Variants in TMTC1 observed in about 807,000 individuals in gnomAD.
TMTC1 encodes protein O-mannosyl-transferase TMTC1.
A neutral mutation model predicts 104.8 loss-of-function variants in TMTC1; 73 were observed. That is an observed-to-expected ratio of 0.70 (90% CI 0.58 to 0.85). The LOEUF (loss-of-function observed/expected upper bound fraction) is 0.85. Ranked by LOEUF, TMTC1 falls within the 40% of genes least tolerant of loss-of-function variation. The pLI is 0.00. For missense variants in TMTC1, 1,035 were observed against 1,096.1 expected, an observed-to-expected ratio of 0.94 and a Z score of 0.79; for synonymous variants, 434 against 428.7, an observed-to-expected ratio of 1.01 and a Z score of -0.15.
intron 5 of TMTC1, among the ~76,000 whole-genome samples, chr12:29,719,646 G>A (rs118116016): frequency 1.3e-5 from 2 of 152,284 alleles, no homozygotes; most frequent in Non-Finnish European, 2.9e-5. Context: ...CTCTTGGGTG[G>A]TCACTGGGCT....
intron 13 of TMTC1, among the ~76,000 whole-genome samples, chr12:29,517,790 A>AC (rs1289031825): frequency 1.3e-5 from 2 of 151,940 alleles, no homozygotes; most frequent in African/African-American, 4.8e-5. Flanking sequence ...ATCTTGGCTC[A>AC]TGCAACCTCC....
In TMTC1 at chr12:29,536,047, G is replaced by A. The variant is rs573933938; in HGVS notation, c.1785+162C>T. 39 of 611,772 alleles carry A rather than the reference G, an allele frequency of 6.4e-5. 1 individual carries two copies. In the Admixed American group the frequency reaches 8.9e-4, roughly 14 times the overall value. 37.9% of individuals were successfully genotyped at this position (611,772 alleles called of 1,614,324 possible). On this transcript the variant is annotated intron_variant, in intron 11 of 17. Coordinates refer to ENST00000539277, the MANE Select transcript of TMTC1 (RefSeq NM_001193451.2). ...CCTGTGATACACAGAGAATATTGGA[G>A]TGAGAAAATTAGGCTTGTAATTTCT...
intron 5 of TMTC1, among the ~76,000 whole-genome samples, chr12:29,675,613 CA>C (rs1565760046): frequency 1.0e-3 from 94 of 90,970 alleles, no homozygotes; most frequent in African/African-American, 3.4e-3. Flanking sequence ...CACACACACA[CA>C]CACACACACA....
chr12:29,778,861 T>C (rs1239588874), intron 1 of TMTC1, among the ~76,000 whole-genome samples: 1 of 152,218 alleles, frequency 6.6e-6, no homozygotes, highest in Non-Finnish European at 1.5e-5. Context: ...GTAAGTGTGA[T>C]GCTTCTGTGT....
intron 11 of TMTC1, among the ~76,000 whole-genome samples, chr12:29,524,570 T>G (rs1045972737): frequency 6.6e-6 from 1 of 152,134 alleles, no homozygotes; most frequent in East Asian, 1.9e-4. Flanking sequence ...GTAATCATTA[T>G]CTCCTTTAAA....
chr12:29,549,097 G>A lies in TMTC1; in HGVS notation c.1676+7760C>T, dbSNP rs1384866704. ...AAAATGAACATACAAAGATTGGGAA[G>A]TGAATATTCACAACAGCTTTATTCG... On this transcript the variant is annotated intron_variant, in intron 10 of 17. Transcript: ENST00000539277. 5.4e-5 allele frequency among the ~76,000 whole-genome samples: 8 copies of A among 148,430 alleles called. No homozygotes were observed. The Admixed American group carries it at 5.4e-4, about 10-fold the overall frequency.
intron 1 of TMTC1, among the ~76,000 whole-genome samples, chr12:29,777,506 G>A (rs1039852960): frequency 6.6e-6 from 1 of 152,044 alleles, no homozygotes; most frequent in Non-Finnish European, 1.5e-5. Flanking sequence ...AGACTGCTTC[G>A]GAAGGTGATT....
chr12:29,607,226 C>T (rs1224745762), intron 6 of TMTC1, among the ~76,000 whole-genome samples: 2 of 152,196 alleles, frequency 1.3e-5, no homozygotes, highest in African/African-American at 2.4e-5. Context: ...GTGTTTACTG[C>T]CTTTATTGTC....
At chr12:29,628,249 T>A (rs79077390) in intron 6 of TMTC1, among the ~76,000 whole-genome samples, 2,889 of 152,310 alleles carry the variant, frequency 0.019, 39 homozygotes, top group Non-Finnish European at 0.032. Flanking sequence ...GGTGGAGTTT[T>A]TCTGCCCCTA....
chr12:29,621,050 G>C (rs191143356), intron 6 of TMTC1, among the ~76,000 whole-genome samples: 1 of 152,150 alleles, frequency 6.6e-6, no homozygotes. Context: ...ATAATAGCAC[G>C]AAGAGGATTT....
At chr12:29,538,094 A>G (rs1944693981) in intron 10 of TMTC1, among the ~76,000 whole-genome samples, 1 of 152,216 alleles carries the variant, frequency 6.6e-6, no homozygotes, top group African/African-American at 2.4e-5. Flanking sequence ...GAGAACAGGT[A>G]TAACACCCAT....
At chr12:29,695,660 T>A (rs1246821739) in intron 5 of TMTC1, among the ~76,000 whole-genome samples, 1 of 151,878 alleles carries the variant, frequency 6.6e-6, no homozygotes, top group Non-Finnish European at 1.5e-5. Flanking sequence ...CACTACTTAA[T>A]ACATTACGAT....
At chr12:29,592,985 G>A (rs1262864905) in intron 7 of TMTC1, among the ~76,000 whole-genome samples, 3 of 152,220 alleles carry the variant, frequency 2.0e-5, no homozygotes, top group Non-Finnish European at 2.9e-5. Flanking sequence ...AGGTACAGTG[G>A]AACACAAATG....
intron 7 of TMTC1, among the ~76,000 whole-genome samples, chr12:29,590,640 C>T (rs1946257074): frequency 6.6e-6 from 1 of 152,112 alleles, no homozygotes; most frequent in Non-Finnish European, 1.5e-5. Context: ...CCAAAATTAG[C>T]TGGGCGTGGT....
chr12:29,758,467 T>C (rs1251728368), intron 3 of TMTC1, among the ~76,000 whole-genome samples: 3 of 152,174 alleles, frequency 2.0e-5, no homozygotes, highest in East Asian at 1.9e-4. Flanking sequence ...AAGCAAGTGC[T>C]TGGGTTCCCA....
At chr12:29,769,609 C>T (rs1362413075) in intron 1 of TMTC1, among the ~76,000 whole-genome samples, 10 of 152,320 alleles carry the variant, frequency 6.6e-5, no homozygotes, top group African/African-American at 2.4e-4. Context: ...AGTCCAGGTC[C>T]TTGGAGAACT....
intron 5 of TMTC1, among the ~76,000 whole-genome samples, chr12:29,728,684 C>T (rs886468826): frequency 3.3e-5 from 5 of 151,980 alleles, no homozygotes; most frequent in Non-Finnish European, 2.9e-5. Context: ...CAGAAAATTC[C>T]CAAAAACGTG....
At chr12:29,619,318 G>A (rs1947068811) in intron 6 of TMTC1, among the ~76,000 whole-genome samples, 1 of 152,206 alleles carries the variant, frequency 6.6e-6, no homozygotes, top group Admixed American at 6.5e-5. Context: ...TAGATCAAAA[G>A]CCAAGCAGAG....
intron 10 of TMTC1, among the ~76,000 whole-genome samples, chr12:29,555,271 A>G (rs1024864316): frequency 6.6e-6 from 1 of 150,644 alleles, no homozygotes; most frequent in Non-Finnish European, 1.5e-5. Flanking sequence ...CAAAGCAGCC[A>G]GGATTACAGG....
Sources: allele counts gnomAD v4.1 joint callset (sites outside exome capture counted in the v4.1 genomes callset), GRCh38; gene constraint gnomAD v4.1.1; transcripts MANE v1.5; gene names NCBI Gene and HGNC (gene_info 2026-07-23, HGNC 2026-07-21).